The following FSTL5 variants were observed in gnomAD, a reference collection of about 807,000 sequenced individuals.
FSTL5 encodes the protein follistatin like 5, also known as follistatin-related protein 5.
FSTL5 carries 62 observed loss-of-function variants against 89.1 expected under a neutral mutation model. That is an observed-to-expected ratio of 0.70 (90% CI 0.57 to 0.86). FSTL5 has a LOEUF of 0.86. Ranked by LOEUF, FSTL5 falls within the 40% of genes least tolerant of loss-of-function variation. The pLI is 0.00. For synonymous variants in FSTL5, 383 were observed against 346.2 expected, an observed-to-expected ratio of 1.11 and a Z score of -1.18; for missense variants, 1,057 against 1,001.6, an observed-to-expected ratio of 1.06 and a Z score of -0.75.
intron 6 of FSTL5, among the ~76,000 whole-genome samples, chr4:161,669,111 C>CAAAAA (rs33950474): frequency 3.6e-4 from 38 of 104,392 alleles, no homozygotes; most frequent in Non-Finnish European, 4.3e-4. Context: ...GACTCTGTCT[C>CAAAAA]AAAAAAAAAA....
rs576092035 is a variant in FSTL5, at chr4:161,918,651, A to T, written c.409+1753T>A. On this transcript the variant is annotated intron_variant, in intron 4 of 15. Coordinates refer to ENST00000306100, the MANE Select transcript of FSTL5 (RefSeq NM_020116.5). ...CCACGATATTTATTTATATTTATTT[A>T]TTTATTTTTTTGAGACGGGGTCTCG... 2.5e-3 allele frequency among the ~76,000 whole-genome samples: 375 copies of T among 150,392 alleles called. 3 individuals carry two copies. Among genetic ancestry groups the T allele is most frequent in the African/African-American group, 6.5e-3 (269 of 41,084 alleles).
At chr4:161,853,961 T>C (rs1053430171) in intron 4 of FSTL5, among the ~76,000 whole-genome samples, 8 of 152,314 alleles carry the variant, frequency 5.3e-5, no homozygotes, top group East Asian at 3.9e-4. Context: ...CTCTGTTTCA[T>C]AGGCTCAGGT....
intron 3 of FSTL5, among the ~76,000 whole-genome samples, chr4:162,029,176 T>C (rs1737419019): frequency 6.6e-6 from 1 of 151,870 alleles, no homozygotes; most frequent in East Asian, 1.9e-4. Flanking sequence ...AGTGTGTGTG[T>C]GTGTGTGTGT....
chr4:161,798,406 T>C (rs1729697019), intron 4 of FSTL5, among the ~76,000 whole-genome samples: 1 of 151,532 alleles, frequency 6.6e-6, no homozygotes, highest in African/African-American at 2.4e-5. Flanking sequence ...CCCCTATCTT[T>C]ATAGACTTTT....
chr4:161,611,226 G>GTATATATATATATA (rs1458618658), intron 7 of FSTL5, among the ~76,000 whole-genome samples: 1 of 92,052 alleles, frequency 1.1e-5, no homozygotes, highest in African/African-American at 4.3e-5. Context: ...GTGTGTATGT[G>GTATATATATATATA]TATACATATA....
At chr4:162,046,968 T>C (rs1738204832) in intron 2 of FSTL5, among the ~76,000 whole-genome samples, 1 of 152,160 alleles carries the variant, frequency 6.6e-6, no homozygotes, top group Admixed American at 6.5e-5. Flanking sequence ...ATGCCTTATC[T>C]AGTAATATAA....
At chr4:161,539,269 C>T (rs1030288173) in intron 9 of FSTL5, among the ~76,000 whole-genome samples, 8 of 151,298 alleles carry the variant, frequency 5.3e-5, no homozygotes, top group African/African-American at 1.2e-4. Flanking sequence ...AGCAGTAGAA[C>T]GGGAAATGAC....
rs149548609 is a variant in FSTL5, at chr4:161,529,844, AAAAAC to A, written c.1312+8317_1312+8321del. ...TATCTATCTCACAGTTATTGAGTGT[AAAAAC>A]AAAACAAAACAATTATTAATCTGAT... is the stretch of plus-strand genomic sequence containing the variant. On this transcript the variant is annotated intron_variant, in intron 10 of 15. Transcript: ENST00000306100. 8.0e-3 allele frequency among the ~76,000 whole-genome samples: 1,142 copies of A among 142,910 alleles called. 120 individuals are homozygous for A. Among genetic ancestry groups the A allele is most frequent in the African/African-American group, 0.027 (1,075 of 40,150 alleles). The allele number at this position is 142,910 out of a possible 152,430, so 93.8% of individuals were successfully genotyped here. A position where few individuals can be genotyped will look rare whatever the true frequency, so the allele number is the denominator to read the frequency against.
intron 7 of FSTL5, among the ~76,000 whole-genome samples, chr4:161,649,082 T>C (rs1736247520): frequency 1.3e-5 from 2 of 152,168 alleles, no homozygotes; most frequent in Non-Finnish European, 2.9e-5. Flanking sequence ...GCAAACTATA[T>C]TGACCTGTTA....
At chr4:161,552,897 C>T (rs1162515675) in intron 8 of FSTL5, among the ~76,000 whole-genome samples, 1 of 151,556 alleles carries the variant, frequency 6.6e-6, no homozygotes, top group Admixed American at 6.6e-5. Context: ...CAATAATCCT[C>T]CACAGAACAT....
chr4:161,410,035 A>G (rs1731534793), intron 15 of FSTL5, among the ~76,000 whole-genome samples: 1 of 152,204 alleles, frequency 6.6e-6, no homozygotes, highest in Non-Finnish European at 1.5e-5. Flanking sequence ...AATGAGTGGA[A>G]TAAGATCTAC....
intron 4 of FSTL5, among the ~76,000 whole-genome samples, chr4:161,891,002 A>G (rs1250781430): frequency 6.6e-6 from 1 of 152,102 alleles, no homozygotes; most frequent in Admixed American, 6.6e-5. Context: ...GTTCTGCCTG[A>G]TTTCTTTTCC....
chr4:162,133,388 C>A (rs998125817), intron 1 of FSTL5, among the ~76,000 whole-genome samples: 61 of 152,136 alleles, frequency 4.0e-4, no homozygotes, highest in Admixed American at 9.8e-4. Context: ...AAACTCAGCT[C>A]TTTTGGTTCC....
intron 2 of FSTL5, among the ~76,000 whole-genome samples, chr4:162,097,704 T>C (rs1404440652): frequency 1.3e-5 from 2 of 151,710 alleles, no homozygotes; most frequent in Non-Finnish European, 1.5e-5. Flanking sequence ...AAAGTCAGAA[T>C]GCAAAAGAAA....
rs188920078 is a variant in FSTL5, at chr4:161,385,659, A to C, written c.*88T>G. 7 of 1,050,158 alleles carry C rather than the reference A, an allele frequency of 6.7e-6. No homozygotes were observed. The East Asian group carries it at 1.7e-4, about 25-fold the overall frequency. The allele number at this position is 1,050,158 out of a possible 1,614,324, so 65.1% of individuals were successfully genotyped here. ...TAAATTTTGTTTGACTAGGATATAAACTTGGAAAGTTAAGTTGTAAATTTA... is the reference window on the plus strand; with the variant it reads ...TAAATTTTGTTTGACTAGGATATAACCTTGGAAAGTTAAGTTGTAAATTTA... On this transcript the variant is annotated 3_prime_UTR_variant, in exon 16 of 16. Transcript: ENST00000306100.
intron 12 of FSTL5, among the ~76,000 whole-genome samples, chr4:161,485,653 T>C (rs1729652299): frequency 6.6e-6 from 1 of 152,156 alleles, no homozygotes; most frequent in South Asian, 2.1e-4. Flanking sequence ...TTAAAAAAAC[T>C]GAGTAGTTCT....
chr4:161,826,374 T>C (rs905820893), intron 4 of FSTL5, among the ~76,000 whole-genome samples: 2 of 152,222 alleles, frequency 1.3e-5, no homozygotes, highest in African/African-American at 4.8e-5. Context: ...GAATGTTCTA[T>C]AAATATCTAT....
At chr4:162,107,794 T>C (rs1374148746) in intron 2 of FSTL5, among the ~76,000 whole-genome samples, 2 of 152,150 alleles carry the variant, frequency 1.3e-5, no homozygotes, top group Non-Finnish European at 1.5e-5. Context: ...TTCGTCCCTA[T>C]GTCTGCCCTA....
chr4:161,433,176 A>C lies in FSTL5; in HGVS notation c.1841+21828T>G, dbSNP rs573349729. ...GATGAACATTGATGTAAAAATCCTC[A>C]ATGAAATATGAGCAAACTAAGTTCA... On this transcript the variant is annotated intron_variant, in intron 15 of 15. Coordinates refer to ENST00000306100, the MANE Select transcript of FSTL5 (RefSeq NM_020116.5). Among the ~76,000 whole-genome samples the C allele has an allele frequency of 1.6e-4, 24 of 152,140 alleles. No individual in the cohort carries two copies. The South Asian group carries it at 3.9e-3, about 25-fold the overall frequency.
Sources: allele counts gnomAD v4.1 joint callset (sites outside exome capture counted in the v4.1 genomes callset), GRCh38; gene constraint gnomAD v4.1.1; transcripts MANE v1.5; gene names NCBI Gene and HGNC (gene_info 2026-07-23, HGNC 2026-07-21).